Variants in DIS3L2 observed in about 807,000 individuals in gnomAD.
DIS3L2 encodes DIS3 like 3'-5' exoribonuclease 2, also known as DIS3-like exonuclease 2.
A neutral mutation model predicts 97.5 loss-of-function variants in DIS3L2; 34 were observed. That is an observed-to-expected ratio of 0.35 (90% confidence interval 0.27 to 0.46). DIS3L2 has a LOEUF of 0.46. DIS3L2 is among the 20% of genes least tolerant of loss of function. DIS3L2 has a pLI of 1.00. For synonymous variants in DIS3L2, 435 were observed against 445.2 expected (o/e 0.98, Z 0.29); for missense variants, 1,038 against 1,146.0 (o/e 0.91, Z 1.36).
At chr2:232,137,153 C>T (rs1698382804) in intron 8 of DIS3L2, among the ~76,000 whole-genome samples, 1 of 152,172 alleles carries the variant, frequency 6.6e-6, no homozygotes. Context: ...ATTTAAATGG[C>T]ATTCTTTTTC....
intron 17 of DIS3L2, 73 bp from the exon 18 acceptor site, chr2:232,334,296 C>T: frequency 6.6e-7 from 1 of 1,524,500 alleles, no homozygotes; most frequent in Non-Finnish European, 8.9e-7. Context: ...CAGCGCCATG[C>T]AGCCCATCCC....
rs113562223 is a variant in DIS3L2 at position 232,120,953 on chromosome 2, G to T, written c.602-9666G>T. On this transcript the variant is annotated intron_variant, in intron 6 of 20. Coordinates refer to ENST00000325385, the MANE Select transcript of DIS3L2 (RefSeq NM_152383.5). ...CCACTTCAACCACACCTTCTTTACT[G>T]GTTCCTTCCCATCAGCAATTAACCA... Among the ~76,000 whole-genome samples the T allele has an allele frequency of 1.2e-4, 18 of 151,990 alleles. 2 individuals are homozygous for T. The highest frequency in any genetic ancestry group is 4.3e-4 in the African/African-American group (18 of 41,438).
At chr2:232,226,446 C>A (rs191073896) in intron 10 of DIS3L2, among the ~76,000 whole-genome samples, 4 of 152,268 alleles carry the variant, frequency 2.6e-5, no homozygotes, top group Admixed American at 2.6e-4. Flanking sequence ...ATTAATAGTA[C>A]CTACCTCATA....
chr2:232,086,316 T>TATATGC (rs1183886109), intron 5 of DIS3L2, among the ~76,000 whole-genome samples: 2 of 147,772 alleles, frequency 1.4e-5, no homozygotes, highest in Non-Finnish European at 3.0e-5. Context: ...TATGTATATG[T>TATATGC]ATATGCATAT....
At chr2:232,186,612 A>G (rs530715995) in intron 9 of DIS3L2, among the ~76,000 whole-genome samples, 6 of 152,354 alleles carry the variant, frequency 3.9e-5, no homozygotes, top group South Asian at 4.1e-4. Flanking sequence ...CTGTGGACCA[A>G]TATCCCTCCT....
chr2:232,329,785 T>TCCCCGGGGGGGCG, intron 14 of DIS3L2, 28 bp from the exon 15 acceptor site: 1 of 967,144 alleles, frequency 1.0e-6, no homozygotes, highest in Non-Finnish European at 1.5e-6. Flanking sequence ...ACCCCAGCGG[T>TCCCCGGGGGGGCG]CCCTCCCATC....
chr2:232,222,219 A>G (rs1169356648), intron 10 of DIS3L2, among the ~76,000 whole-genome samples: 2 of 152,166 alleles, frequency 1.3e-5, no homozygotes, highest in East Asian at 1.9e-4. Flanking sequence ...CTGGGATTAC[A>G]GGCGTGAGCC....
rs1695294448 is a variant in DIS3L2, at chr2:232,048,158, T to C, written c.366+18078T>C. Among the ~76,000 whole-genome samples the C allele has an allele frequency of 2.0e-5, 3 of 152,232 alleles. 1 individual carries two copies. In the South Asian group the frequency reaches 6.2e-4, roughly 32 times the overall value. On this transcript the variant is annotated intron_variant, in intron 5 of 20. Coordinates refer to ENST00000325385, the MANE Select transcript of DIS3L2 (RefSeq NM_152383.5). ...TAAAATATAGATCACTAAAAGATAC[T>C]GTCCCCAAACTTTTCTGACCCCAAA...
At chr2:232,301,832 G>C (rs1402199515) in intron 14 of DIS3L2, among the ~76,000 whole-genome samples, 1 of 141,430 alleles carries the variant, frequency 7.1e-6, no homozygotes, top group Non-Finnish European at 1.5e-5. Flanking sequence ...AAATAGCCTA[G>C]CTCTTTTTTT....
chr2:231,965,561 T>C (rs937629298), intron 1 of DIS3L2, among the ~76,000 whole-genome samples: 3 of 152,194 alleles, frequency 2.0e-5, no homozygotes, highest in African/African-American at 7.2e-5. Context: ...AAAAGATGTT[T>C]TGTTGCTTTC....
At chr2:232,160,864 A>G (rs1192990884) in intron 8 of DIS3L2, among the ~76,000 whole-genome samples, 28 of 151,984 alleles carry the variant, frequency 1.8e-4, no homozygotes, top group Admixed American at 1.8e-3. Context: ...TAAAAAATAG[A>G]ATTAGTTTTT....
chr2:232,057,807 T>C (rs1293204398), intron 5 of DIS3L2, among the ~76,000 whole-genome samples: 1 of 152,224 alleles, frequency 6.6e-6, no homozygotes, highest in African/African-American at 2.4e-5. Flanking sequence ...TTGTGTCGCA[T>C]AGAAAACTGA....
intron 13 of DIS3L2, among the ~76,000 whole-genome samples, chr2:232,298,195 G>A (rs1252045857): frequency 6.6e-6 from 1 of 152,156 alleles, no homozygotes; most frequent in Non-Finnish European, 1.5e-5. Context: ...TTTTGCCACT[G>A]CTGGACTTTT....
chr2:231,967,590 C>G (rs1692759551), intron 1 of DIS3L2, among the ~76,000 whole-genome samples: 3 of 152,114 alleles, frequency 2.0e-5, no homozygotes, highest in South Asian at 4.1e-4. Context: ...TTACTTATGG[C>G]ACAGTATTAA....
intron 1 of DIS3L2, among the ~76,000 whole-genome samples, chr2:231,963,227 G>T (rs1483323584): frequency 6.6e-6 from 1 of 152,184 alleles, no homozygotes; most frequent in African/African-American, 2.4e-5. Flanking sequence ...TTCCAAGGGA[G>T]CCTAATGAGG....
intron 1 of DIS3L2, among the ~76,000 whole-genome samples, chr2:231,968,193 G>C (rs1228204797): frequency 6.6e-6 from 1 of 151,682 alleles, no homozygotes; most frequent in African/African-American, 2.4e-5. Context: ...CGCCTCCCAG[G>C]TTCATACCAT....
At chr2:232,321,604 T>TG (rs1695434032) in intron 14 of DIS3L2, among the ~76,000 whole-genome samples, 1 of 152,010 alleles carries the variant, frequency 6.6e-6, no homozygotes, top group Non-Finnish European at 1.5e-5. Flanking sequence ...ACAGGGCGCC[T>TG]TCGGCAGTGA....
chr2:232,322,132 G>T (rs1273750712), intron 14 of DIS3L2, among the ~76,000 whole-genome samples: 1 of 152,238 alleles, frequency 6.6e-6, no homozygotes, highest in Non-Finnish European at 1.5e-5. Flanking sequence ...TCTCAGGGTG[G>T]GCTCTGTATT....
At chr2:232,135,873 G>T (rs549318516) in intron 7 of DIS3L2, among the ~76,000 whole-genome samples, 10 of 152,186 alleles carry the variant, frequency 6.6e-5, no homozygotes, top group Admixed American at 5.9e-4. Context: ...TGTTGAGGAG[G>T]GGGTGGTGAG....
Sources: allele counts gnomAD v4.1 joint callset (sites outside exome capture counted in the v4.1 genomes callset), GRCh38; gene constraint gnomAD v4.1.1; transcripts MANE v1.5; gene names NCBI Gene and HGNC (gene_info 2026-07-23, HGNC 2026-07-21).